AGBL1: variants seen among roughly 807,000 people sequenced by gnomAD.
The protein encoded by AGBL1 is AGBL carboxypeptidase 1.
In AGBL1, 130 loss-of-function variants were observed where a neutral mutation model predicts 118.9. The observed-to-expected ratio is 1.09, with a 90% CI of 0.95 to 1.26. The LOEUF is 1.26. Among genes scored for constraint, AGBL1 ranks in the 50% most tolerant of loss-of-function variants. The pLI is 0.00. For missense variants in AGBL1, 1,584 were observed against 1,298.1 expected, an observed-to-expected ratio of 1.22 and a Z score of -3.38; for synonymous variants, 555 against 478.9, an observed-to-expected ratio of 1.16 and a Z score of -2.08.
At chr15:86,564,829 TG>T (rs1325814005) in intron 21 of AGBL1, among the ~76,000 whole-genome samples, 3 of 152,240 alleles carry the variant, frequency 2.0e-5, no homozygotes, top group African/African-American at 7.2e-5. Context: ...TTTGTTTGTT[TG>T]TTTTCACTCT....
intron 24 of AGBL1, among the ~76,000 whole-genome samples, chr15:87,019,825 C>T (rs563221678): frequency 6.1e-4 from 93 of 151,842 alleles, no homozygotes; most frequent in African/African-American, 2.2e-3. Flanking sequence ...ATCAACAAAT[C>T]CAGGAGCCTG....
At chr15:86,805,843 G>A (rs904188065) in intron 22 of AGBL1, among the ~76,000 whole-genome samples, 6 of 152,090 alleles carry the variant, frequency 3.9e-5, no homozygotes, top group South Asian at 2.1e-4. Flanking sequence ...AAGTCAACTC[G>A]TACTATGAAT....
chr15:86,355,888 C>G (rs1236943853), intron 17 of AGBL1, among the ~76,000 whole-genome samples: 1 of 152,156 alleles, frequency 6.6e-6, no homozygotes, highest in Non-Finnish European at 1.5e-5. Context: ...CCAGAGAAAA[C>G]AGCTCCTGCT....
intron 18 of AGBL1, among the ~76,000 whole-genome samples, chr15:86,416,846 T>G (rs1949490723): frequency 6.6e-6 from 1 of 152,232 alleles, no homozygotes; most frequent in Non-Finnish European, 1.5e-5. Flanking sequence ...GCTTAGCAAT[T>G]CGATGCTATG....
chr15:86,302,417 GC>G (rs2079763682), intron 17 of AGBL1, among the ~76,000 whole-genome samples: 1 of 151,942 alleles, frequency 6.6e-6, no homozygotes, highest in African/African-American at 2.4e-5. Context: ...AGAAATGGGG[GC>G]AATGTCTTTT....
intron 16 of AGBL1, among the ~76,000 whole-genome samples, chr15:86,285,933 T>C (rs1313372881): frequency 6.6e-6 from 1 of 152,172 alleles, no homozygotes; most frequent in African/African-American, 2.4e-5. Flanking sequence ...TGGTGGCTTC[T>C]ATAGACCAAC....
intron 17 of AGBL1, among the ~76,000 whole-genome samples, chr15:86,308,533 C>T (rs1345100247): frequency 6.6e-6 from 1 of 152,136 alleles, no homozygotes; most frequent in African/African-American, 2.4e-5. Context: ...TATAATATTT[C>T]TTCTAGGTAT....
intron 17 of AGBL1, among the ~76,000 whole-genome samples, chr15:86,310,047 A>G (rs80312518): frequency 3.3e-5 from 5 of 152,214 alleles, no homozygotes; most frequent in African/African-American, 4.8e-5. Context: ...CAGCGAAGCC[A>G]TCAGATCCTG....
In AGBL1 at chr15:86,674,403, C is replaced by G. The variant is rs199556679; in HGVS notation, c.3125C>G (p.Ala1042Gly). 3.3e-4 allele frequency: 529 copies of G among 1,612,788 alleles called. 2 individuals carry two copies. In the African/African-American group the frequency reaches 6.3e-3, roughly 19 times the overall value. ...GCTCAAGCTGCAACTCTGCTGAGTGCTGAGGAGGACGCTCTGGACCAGCAC... is the reference window on the plus strand; with the variant it reads ...GCTCAAGCTGCAACTCTGCTGAGTGGTGAGGAGGACGCTCTGGACCAGCAC... Reference protein sequence around the residue: ...LLAQAATLLSAEEDALDQHLQ... With the variant: ...LLAQAATLLSGEEDALDQHLQ... Residue 1042 changes from alanine to glycine, a missense_variant, in exon 22 of 23, where the codon GCT becomes GGT. Physicochemically the swap from Ala to Gly is moderately conservative, Grantham distance 60. Transcript: ENST00000614907.
chr15:86,983,060 T>C (rs1199947559), intron 23 of AGBL1, among the ~76,000 whole-genome samples: 1 of 151,958 alleles, frequency 6.6e-6, no homozygotes, highest in Non-Finnish European at 1.5e-5. Context: ...TCACACCTTT[T>C]TTTGTTTTGT....
At chr15:86,723,498 A>C (rs1029818813) in intron 22 of AGBL1, among the ~76,000 whole-genome samples, 13 of 152,070 alleles carry the variant, frequency 8.5e-5, no homozygotes, top group Non-Finnish European at 1.5e-4. Context: ...CACACCGGGG[A>C]CTATTGTGGA....
At chr15:86,649,321 C>T (rs1039331254) in intron 21 of AGBL1, among the ~76,000 whole-genome samples, 4 of 152,018 alleles carry the variant, frequency 2.6e-5, no homozygotes, top group African/African-American at 9.7e-5. Context: ...GAAGTAAGAT[C>T]ATTGAGAATG....
intron 22 of AGBL1, among the ~76,000 whole-genome samples, chr15:86,804,264 A>T (rs1272850366): frequency 6.6e-6 from 1 of 152,170 alleles, no homozygotes; most frequent in Non-Finnish European, 1.5e-5. Context: ...ATGTTCTCTG[A>T]CAAGCTTTTG....
chr15:86,925,452 T>C (rs2080526339), intron 23 of AGBL1, among the ~76,000 whole-genome samples: 1 of 152,162 alleles, frequency 6.6e-6, no homozygotes, highest in Non-Finnish European at 1.5e-5. Context: ...GAAAATATGA[T>C]ACTGATAATC....
chr15:86,507,845 T>C (rs2082997529), intron 18 of AGBL1, among the ~76,000 whole-genome samples: 1 of 152,090 alleles, frequency 6.6e-6, no homozygotes, highest in Non-Finnish European at 1.5e-5. Flanking sequence ...GAAGATTTGC[T>C]ATTAAACAGG....
chr15:86,196,866 T>TGTGCGCGCGC lies in AGBL1; in HGVS notation c.489-28046_489-28037dup, dbSNP rs1488042522. 1.4e-3 allele frequency among the ~76,000 whole-genome samples: 87 copies of TGTGCGCGCGC among 62,262 alleles called. 1 individual carries two copies. The highest frequency in any genetic ancestry group is 0.011 in the African/African-American group (84 of 7,842). The allele number at this position is 62,262 out of a possible 152,430, so 40.8% of individuals were successfully genotyped here. ...CTCCCTGCATATGCGAATGTGCACA[T>TGTGCGCGCGC]GTGCGCGCGCGCGCACACACACACA... On this transcript the variant is annotated intron_variant, in intron 5 of 22. Transcript: ENST00000614907.
intron 18 of AGBL1, among the ~76,000 whole-genome samples, chr15:86,476,017 G>A (rs533185306): frequency 1.3e-5 from 2 of 152,264 alleles, no homozygotes; most frequent in South Asian, 4.1e-4. Context: ...ATCCTTTACA[G>A]ACAAGCAAAT....
At chr15:86,189,325 G>C (rs1307163538) in intron 5 of AGBL1, among the ~76,000 whole-genome samples, 1 of 152,196 alleles carries the variant, frequency 6.6e-6, no homozygotes, top group Admixed American at 6.5e-5. Flanking sequence ...TAGACACAAA[G>C]TGGGTGGAGA....
intron 6 of AGBL1, among the ~76,000 whole-genome samples, chr15:86,242,297 C>T (rs762293346): frequency 6.6e-6 from 1 of 152,134 alleles, no homozygotes; most frequent in Non-Finnish European, 1.5e-5. Flanking sequence ...TGATGCTGAT[C>T]ATGATGATGA....
Sources: gnomAD v4.1 joint callset for allele counts (sites outside exome capture counted in the v4.1 genomes callset) on GRCh38, gnomAD v4.1.1 for gene constraint, MANE v1.5 for transcripts, NCBI Gene and HGNC (gene_info 2026-07-23, HGNC 2026-07-21) for gene names.